PHF24: variants seen among roughly 807,000 people sequenced by gnomAD.
The protein encoded by PHF24 is PHD finger protein 24, also known as Galpha inhibitory interacting protein.
Under a neutral mutation model 42.6 loss-of-function variants are expected in PHF24, and 25 were observed. That is an observed-to-expected ratio of 0.59 (90% CI 0.43 to 0.82). The LOEUF (loss-of-function observed/expected upper bound fraction) is 0.82. Among genes scored for constraint, PHF24 ranks in the 40% least tolerant of loss-of-function variants. PHF24 has a pLI of 0.00. For synonymous variants in PHF24, 185 were observed against 204.8 expected (o/e 0.90, Z 0.83); for missense variants, 470 against 538.1 (o/e 0.87, Z 1.25).
chr9:34,723,297 G>C, the PHF24 span: 1 of 1,551,732 alleles, frequency 6.4e-7, no homozygotes, highest in South Asian at 1.2e-5. Context: ...CAGTGGCGGG[G>C]GTAGCCCAGG....
chr9:34,674,568 AC>A, the PHF24 span, among the ~76,000 whole-genome samples: 1 of 152,334 alleles, frequency 6.6e-6, no homozygotes, highest in Non-Finnish European at 1.5e-5. Context: ...TTCCAATAAA[AC>A]TCTATTTACA....
At chr9:34,883,055 T>C in the PHF24 span, among the ~76,000 whole-genome samples, 1 of 152,114 alleles carries the variant, frequency 6.6e-6, no homozygotes, top group Non-Finnish European at 1.5e-5. Flanking sequence ...TCAGAAATAA[T>C]GCCGCATATC....
the PHF24 span, among the ~76,000 whole-genome samples, chr9:34,909,139 C>T: frequency 1.6e-3 from 249 of 152,126 alleles, no homozygotes; most frequent in African/African-American, 5.1e-3. Flanking sequence ...AGCCACCATG[C>T]CCGGCCCCCT....
the PHF24 span, among the ~76,000 whole-genome samples, chr9:34,710,403 A>G: frequency 6.6e-6 from 1 of 150,952 alleles, no homozygotes; most frequent in African/African-American, 2.4e-5. Flanking sequence ...TCTCCTCACT[A>G]CGCTCCAGGA....
At chr9:34,770,652 C>A in the PHF24 span, among the ~76,000 whole-genome samples, 24 of 151,660 alleles carry the variant, frequency 1.6e-4, no homozygotes, top group East Asian at 4.3e-3. Flanking sequence ...CAAAAAAACA[C>A]CAGAAAGATA....
the PHF24 span, among the ~76,000 whole-genome samples, chr9:34,730,418 A>C: frequency 1.3e-5 from 2 of 152,066 alleles, no homozygotes; most frequent in East Asian, 3.9e-4. Context: ...TGGTGGTCTC[A>C]GGCCAAGAAA....
chr9:34,944,888 T>TAAA, the PHF24 span, among the ~76,000 whole-genome samples: 4 of 144,936 alleles, frequency 2.8e-5, no homozygotes, highest in South Asian at 4.4e-4. Flanking sequence ...ACTTGTCTCT[T>TAAA]TAAAAAAAAA....
At chr9:34,865,961 AGTAATAATCTTTT>A in the PHF24 span, among the ~76,000 whole-genome samples, 1 of 152,252 alleles carries the variant, frequency 6.6e-6, no homozygotes, top group Non-Finnish European at 1.5e-5. Context: ...GCAAGTCACA[AGTAATAATCTTTT>A]GTAACTTACT....
chr9:34,894,603 C>T, the PHF24 span: 1 of 397,760 alleles, frequency 2.5e-6, no homozygotes, highest in Non-Finnish European at 4.4e-6. Flanking sequence ...ACTGAAAACC[C>T]CAGAGTCAGA....
the PHF24 span, among the ~76,000 whole-genome samples, chr9:34,700,211 C>T: frequency 3.9e-5 from 6 of 152,182 alleles, no homozygotes; most frequent in Non-Finnish European, 8.8e-5. Flanking sequence ...TTATATTCCG[C>T]GGAGTGAGAT....
the PHF24 span, among the ~76,000 whole-genome samples, chr9:34,720,056 G>A: frequency 1.3e-5 from 2 of 152,176 alleles, no homozygotes; most frequent in African/African-American, 4.8e-5. Context: ...TCCCATCAGA[G>A]GAAGCAAGTC....
exon 5 of PHF24, chr9:34,976,658 A>C (rs1162734609): frequency 6.2e-7 from 1 of 1,614,142 alleles, no homozygotes; most frequent in Non-Finnish European, 8.5e-7. Context: ...GCTGCCCTGG[A>C]CCCTGAACAT....
the PHF24 span, among the ~76,000 whole-genome samples, chr9:34,938,462 A>C: frequency 6.6e-6 from 1 of 152,228 alleles, no homozygotes; most frequent in Admixed American, 6.5e-5. Flanking sequence ...AATGAAGCAA[A>C]CAGAAACTGC....
chr9:34,780,749 C>G, the PHF24 span, among the ~76,000 whole-genome samples: 1 of 152,158 alleles, frequency 6.6e-6, no homozygotes, highest in East Asian at 1.9e-4. Flanking sequence ...AATCCTACAA[C>G]TCAACTACAA....
At chr9:34,972,624 T>C (rs1827037094) in intron 3 of PHF24, 93 bp downstream of exon 3, 1 of 1,286,140 alleles carries the variant, frequency 7.8e-7, no homozygotes, top group Non-Finnish European at 1.1e-6. Context: ...ACCTAAAGAA[T>C]TTTCCAATGG....
the PHF24 span, among the ~76,000 whole-genome samples, chr9:34,749,654 G>A: frequency 6.8e-6 from 1 of 147,550 alleles, no homozygotes; most frequent in Non-Finnish European, 1.5e-5. Context: ...TGTGCAGAAT[G>A]TGCAGGTTTG....
chr9:34,759,239 C>T, the PHF24 span, among the ~76,000 whole-genome samples: 1 of 152,156 alleles, frequency 6.6e-6, no homozygotes, highest in Non-Finnish European at 1.5e-5. Context: ...CAGTTATGTT[C>T]ACCCCCACTC....
the PHF24 span, among the ~76,000 whole-genome samples, chr9:34,882,153 AATCTAACAGCC>A: frequency 6.6e-6 from 1 of 152,080 alleles, no homozygotes; most frequent in African/African-American, 2.4e-5. Flanking sequence ...CCTTTGACAA[AATCTAACAGCC>A]ATTCATGCTA....
chr9:34,979,089 C>T (rs1827305226), exon 8 of PHF24: 1 of 152,180 alleles, frequency 6.6e-6, no homozygotes, highest in Non-Finnish European at 1.5e-5. Context: ...GAGAACGGGG[C>T]TCTGCTTCCT....
Sources: gnomAD v4.1 joint callset for allele counts (sites outside exome capture counted in the v4.1 genomes callset) on GRCh38, gnomAD v4.1.1 for gene constraint, MANE v1.5 for transcripts, NCBI Gene and HGNC (gene_info 2026-07-23, HGNC 2026-07-21) for gene names.